The following RNLS variants were observed in gnomAD, a reference collection of about 807,000 sequenced individuals.
RNLS encodes renalase.
RNLS carries 39 observed loss-of-function variants against 39.8 expected under a neutral mutation model. The observed-to-expected ratio is 0.98, with a 90% confidence interval of 0.76 to 1.28. RNLS has a LOEUF of 1.28. Among genes scored for constraint, RNLS ranks in the 50% most tolerant of loss-of-function variants. The pLI, the probability that RNLS is intolerant of heterozygous loss-of-function variation, is 0.00. For synonymous variants in RNLS, 147 were observed against 150.7 expected (o/e 0.98, Z 0.18); for missense variants, 410 against 413.3 (o/e 0.99, Z 0.07).
At chr10:88,328,710 A>G (rs1430320533) in intron 5 of RNLS, among the ~76,000 whole-genome samples, 1 of 152,198 alleles carries the variant, frequency 6.6e-6, no homozygotes, top group Non-Finnish European at 1.5e-5. Flanking sequence ...CTAGAGCCTT[A>G]GATTACTAAC....
intron 5 of RNLS, among the ~76,000 whole-genome samples, chr10:88,332,725 T>C (rs990689745): frequency 2.6e-5 from 4 of 152,192 alleles, no homozygotes; most frequent in African/African-American, 9.6e-5. Context: ...TAACTATCTA[T>C]TTTAAAAGGG....
chr10:88,509,625 C>T (rs761297905), intron 4 of RNLS, among the ~76,000 whole-genome samples: 1 of 148,422 alleles, frequency 6.7e-6, no homozygotes, highest in Admixed American at 6.9e-5. Flanking sequence ...TCTTTAAGAA[C>T]ATTAGCTTAA....
At chr10:88,215,989 T>G in the RNLS span, among the ~76,000 whole-genome samples, 1 of 152,254 alleles carries the variant, frequency 6.6e-6, no homozygotes, top group South Asian at 2.1e-4. Context: ...TAAGCCACCG[T>G]GCCCGGCCTC....
intron 4 of RNLS, among the ~76,000 whole-genome samples, chr10:88,551,365 C>A (rs1848592247): frequency 6.6e-6 from 1 of 152,170 alleles, no homozygotes; most frequent in Admixed American, 6.5e-5. Flanking sequence ...AAAAAGAATT[C>A]TGCTTTCAGC....
intron 4 of RNLS, among the ~76,000 whole-genome samples, chr10:88,406,267 G>A (rs1249586818): frequency 6.6e-6 from 1 of 151,998 alleles, no homozygotes; most frequent in Non-Finnish European, 1.5e-5. Context: ...TGGATGTCTA[G>A]GTGTCTAGCA....
At chr10:88,298,109 T>C (rs1484347974) in intron 6 of RNLS, among the ~76,000 whole-genome samples, 1 of 152,200 alleles carries the variant, frequency 6.6e-6, no homozygotes, top group Non-Finnish European at 1.5e-5. Context: ...TATTGGCCAT[T>C]TGTATTTCTT....
chr10:88,288,199 C>A (rs974951393), intron 6 of RNLS, among the ~76,000 whole-genome samples: 2 of 152,110 alleles, frequency 1.3e-5, no homozygotes, highest in African/African-American at 4.8e-5. Context: ...CCATTTAATT[C>A]ACATAGCAAC....
the RNLS span, among the ~76,000 whole-genome samples, chr10:88,180,089 G>C: frequency 6.6e-6 from 1 of 152,316 alleles, no homozygotes; most frequent in East Asian, 1.9e-4. Context: ...GTTAAGGATA[G>C]ATCTTTCTTT....
At chr10:88,549,197 T>C (rs1848490797) in intron 4 of RNLS, among the ~76,000 whole-genome samples, 1 of 152,144 alleles carries the variant, frequency 6.6e-6, no homozygotes, top group African/African-American at 2.4e-5. Flanking sequence ...AAAAATATTA[T>C]TTTTAAAATG....
chr10:88,203,374 A>G, the RNLS span, among the ~76,000 whole-genome samples: 3 of 2,244 alleles, frequency 1.3e-3, 1 homozygote, highest in Non-Finnish European at 4.8e-3. Context: ...GTGTGTATAT[A>G]TATATATATA....
At chr10:88,206,317 G>T in the RNLS span, among the ~76,000 whole-genome samples, 2 of 152,162 alleles carry the variant, frequency 1.3e-5, no homozygotes, top group African/African-American at 4.8e-5. Context: ...TGCATCATGT[G>T]TGGATTTCCA....
intron 4 of RNLS, among the ~76,000 whole-genome samples, chr10:88,572,187 C>T (rs190617351): frequency 6.6e-6 from 1 of 152,226 alleles, no homozygotes; most frequent in Admixed American, 6.5e-5. Flanking sequence ...TCTAAATTGG[C>T]TATTTGTAGT....
chr10:88,430,615 G>A (rs1280182688), intron 4 of RNLS, among the ~76,000 whole-genome samples: 3 of 151,772 alleles, frequency 2.0e-5, no homozygotes, highest in Non-Finnish European at 4.4e-5. Flanking sequence ...ACGAAGTATG[G>A]TGTTGGTTTT....
intron 6 of RNLS, among the ~76,000 whole-genome samples, chr10:88,286,277 T>C (rs895139057): frequency 6.6e-6 from 1 of 152,108 alleles, no homozygotes; most frequent in African/African-American, 2.4e-5. Flanking sequence ...CACAACCTTG[T>C]CCTTAAGGAA....
At chr10:88,248,521 C>A in the RNLS span, among the ~76,000 whole-genome samples, 1 of 152,168 alleles carries the variant, frequency 6.6e-6, no homozygotes, top group African/African-American at 2.4e-5. Flanking sequence ...GAGGCTGCCC[C>A]TGGACACTCA....
intron 4 of RNLS, among the ~76,000 whole-genome samples, chr10:88,463,591 T>C (rs1236099889): frequency 6.6e-6 from 1 of 152,012 alleles, no homozygotes. Flanking sequence ...AATTTTAAAC[T>C]AGATTTTACA....
At chr10:88,376,083 C>T (rs1269761329) in intron 4 of RNLS, among the ~76,000 whole-genome samples, 1 of 152,126 alleles carries the variant, frequency 6.6e-6, no homozygotes, top group Non-Finnish European at 1.5e-5. Context: ...GTGTCCACCT[C>T]CAATCTCCTC....
chr10:88,484,823 A>T (rs1256597617), intron 4 of RNLS, among the ~76,000 whole-genome samples: 1 of 151,994 alleles, frequency 6.6e-6, no homozygotes, highest in Non-Finnish European at 1.5e-5. Context: ...ACAGAGAAAA[A>T]AAATACAAGA....
intron 4 of RNLS, among the ~76,000 whole-genome samples, chr10:88,503,167 G>A (rs1165217918): frequency 6.6e-6 from 1 of 152,160 alleles, no homozygotes; most frequent in Non-Finnish European, 1.5e-5. Flanking sequence ...GATTACTTGA[G>A]GTCAGGAGTT....
Sources: allele counts gnomAD v4.1 joint callset (sites outside exome capture counted in the v4.1 genomes callset), GRCh38; gene constraint gnomAD v4.1.1; transcripts MANE v1.5; gene names NCBI Gene and HGNC (gene_info 2026-07-23, HGNC 2026-07-21).